SPTAN1: variants seen among roughly 807,000 people sequenced by gnomAD.
SPTAN1 encodes the protein spectrin alpha, non-erythrocytic 1, also known as spectrin alpha chain, non-erythrocytic 1.
Under a neutral mutation model 331.3 loss-of-function variants are expected in SPTAN1, and 61 were observed. That is an observed-to-expected ratio of 0.18 (90% CI 0.15 to 0.23). The LOEUF is 0.23. SPTAN1 is among the 10% of genes least tolerant of loss of function. The pLI, the probability that SPTAN1 is intolerant of heterozygous loss-of-function variation, is 1.00. For missense variants in SPTAN1, 2,043 were observed against 3,147.9 expected (o/e 0.65, Z 8.40); for synonymous variants, 1,153 against 1,173.9 (o/e 0.98, Z 0.36).
chr9:128,594,629 AC>A (rs2131366521), intron 24 of SPTAN1, among the ~76,000 whole-genome samples: 1 of 151,268 alleles, frequency 6.6e-6, no homozygotes, highest in East Asian at 1.9e-4. Context: ...ACAGGTTTTC[AC>A]CATGTTGGCC....
At chr9:128,626,321 CCCA>C in intron 48 of SPTAN1, 67 bp from the exon 49 acceptor site, 1 of 1,584,598 alleles carries the variant, frequency 6.3e-7, no homozygotes, top group Non-Finnish European at 8.6e-7. Context: ...CACCCCGCAC[CCCA>C]CCTCCTGCAC....
intron 2 of SPTAN1, 80 bp from the exon 3 acceptor site, chr9:128,568,692 G>A: frequency 6.9e-6 from 11 of 1,593,382 alleles, no homozygotes; most frequent in Middle Eastern, 4.2e-4. Flanking sequence ...TTGAGGAGGG[G>A]AGGAACACGG....
chr9:128,587,738 T>C (rs1373686616), intron 20 of SPTAN1, 40 bp downstream of exon 20: 20 of 1,572,906 alleles, frequency 1.3e-5, no homozygotes, highest in Non-Finnish European at 1.7e-5. Context: ...GAGGGAGGCC[T>C]TGAAGGACTC....
chr9:128,619,626 A>G (rs1399472998), intron 44 of SPTAN1, among the ~76,000 whole-genome samples: 1 of 152,200 alleles, frequency 6.6e-6, no homozygotes, highest in African/African-American at 2.4e-5. Context: ...TAGGGACATC[A>G]GGTCTATTGG....
intron 1 of SPTAN1, among the ~76,000 whole-genome samples, chr9:128,557,019 C>T (rs941641409): frequency 2.0e-5 from 3 of 152,092 alleles, no homozygotes; most frequent in Non-Finnish European, 4.4e-5. Context: ...TCCTAAGCCA[C>T]GGAAAAAAGA....
In SPTAN1 at chr9:128,627,517, C is replaced by T. The variant is rs1166975063; in HGVS notation, c.6689+19C>T. The T allele has an allele frequency of 1.3e-5, 20 of 1,542,836 alleles. No individual in the cohort carries two copies. Among genetic ancestry groups the T allele is most frequent in the East Asian group, 1.2e-4 (5 of 40,882 alleles). On this transcript the variant is annotated intron_variant, in intron 50 of 56. Transcript: ENST00000372739. This position sits in a 1 kb window ranked among gnomAD's most constrained non-coding sequence, Gnocchi z 4.9. The stretch of plus-strand genomic sequence containing the variant: ...AGACCAGGTGCCAGCCCGCTGGGGC[C>T]GGGGAGCAGCAGCATGTCCCTGCTG...
At position 128,607,642 on chromosome 9, in the gene SPTAN1, T is replaced by C. The variant is rs1382305872; in HGVS notation, c.4085T>C (p.Val1362Ala). 6.2e-7 allele frequency: 1 copy of C among 1,614,124 alleles called. No individual in the cohort carries two copies. The highest frequency in any genetic ancestry group is 2.2e-5 in the East Asian group (1 of 44,884). The change falls in exon 32 of 57, where the codon GTG (valine) becomes GCG (alanine). Residue 1362 changes from valine to alanine, a missense_variant. Transcript: ENST00000372739. ...TGGATCAATGGAATACGGGGGTTGG[T>C]GTCCTCAGATGAGCTAGCCAAGGAT... ...MSWINGIRGL[V>A]SSDELAKDVT...
intron 2 of SPTAN1, 111 bp from the exon 3 acceptor site, chr9:128,568,661 C>A: frequency 6.9e-7 from 1 of 1,446,070 alleles, no homozygotes; most frequent in Non-Finnish European, 9.5e-7. Flanking sequence ...AATGATGTAT[C>A]CCTAACTAGA....
At chr9:128,622,334 T>C (rs1233901856) in intron 45 of SPTAN1, among the ~76,000 whole-genome samples, 2 of 143,652 alleles carry the variant, frequency 1.4e-5, no homozygotes, top group South Asian at 2.4e-4. Flanking sequence ...AGTTTCGCTC[T>C]TGTTGCCCAG....
chr9:128,576,776 G>T, intron 5 of SPTAN1, 47 bp from the exon 6 acceptor site: 1 of 1,609,260 alleles, frequency 6.2e-7, no homozygotes, highest in Non-Finnish European at 8.5e-7. Context: ...CTAGTTGGAG[G>T]AGCCAGAAGT....
intron 23 of SPTAN1, 140 bp from the exon 24 acceptor site, chr9:128,594,035 C>A: frequency 1.3e-6 from 1 of 793,708 alleles, no homozygotes; most frequent in Non-Finnish European, 2.2e-6. Flanking sequence ...CATCTGATAA[C>A]TCTGTTACTA....
rs77358650 is a variant in SPTAN1 at position 128,580,928 on chromosome 9, G to A, written c.1330G>A (p.Val444Ile). 5,034 of 1,612,962 alleles carry A rather than the reference G, an allele frequency of 3.1e-3. 142 individuals are homozygous for A. In the East Asian group the frequency reaches 0.052, roughly 17 times the overall value. The stretch of plus-strand genomic sequence containing the variant: ...TGTCTCCTATGCCCCCAAGCTGACC[G>A]TCCTTTCCGAGGAGAGAGCGGCGCT... ...ASDEVREKLTVLSEERAALLE... is the reference protein window; with the variant it reads ...ASDEVREKLTILSEERAALLE... The change falls in exon 11 of 57, where the codon GTC (valine) becomes ATC (isoleucine). Residue 444 changes from valine (V) to isoleucine (I), a missense_variant. Coordinates refer to ENST00000372739, the MANE Select transcript of SPTAN1 (RefSeq NM_001130438.3).
intron 1 of SPTAN1, among the ~76,000 whole-genome samples, chr9:128,556,342 T>TATAA (rs888780201): frequency 6.6e-6 from 1 of 152,040 alleles, no homozygotes; most frequent in African/African-American, 2.4e-5. Context: ...AAATAAAAAA[T>TATAA]ATAAACATTG....
At chr9:128,582,414 TTC>T (rs1852054630) in intron 12 of SPTAN1, 63 bp from the exon 13 acceptor site, 2 of 1,447,116 alleles carry the variant, frequency 1.4e-6, no homozygotes, top group East Asian at 2.3e-5. Context: ...GCAGTTACTT[TTC>T]TCCAGAGGCC....
Position 128,577,034 on chromosome 9 carries a change from AGCTGTCGAG to A in SPTAN1, c.785+83_786-82del. ...GTGAAGCACAGGGCATGTGCTGGTGAGCTGTCGAGGCTGACTAGGCCTTGGTCCCATGGG... is the reference window on the plus strand; with the variant it reads ...GTGAAGCACAGGGCATGTGCTGGTGAGCTGACTAGGCCTTGGTCCCATGGG... On this transcript the variant is annotated intron_variant, in intron 6 of 56. Coordinates refer to ENST00000372739, the MANE Select transcript of SPTAN1 (RefSeq NM_001130438.3). The surrounding 1 kb of genome is among the most constrained non-coding windows in gnomAD (Gnocchi z 4.2). The A allele has an allele frequency of 6.2e-7, 1 of 1,613,876 alleles. No individual in the cohort carries two copies. Among genetic ancestry groups the A allele is most frequent in the South Asian group, 1.1e-5 (1 of 91,060 alleles).
rs1239717990 is a variant in SPTAN1 at position 128,626,657 on chromosome 9, G to C, written c.6546G>C (p.Glu2182Asp). The change falls in exon 49 of 57, where the codon GAG (glutamate) becomes GAC (aspartate). Residue 2182 changes from glutamate (E) to aspartate (D), a missense_variant. Physicochemically the swap from Glu to Asp is conservative, Grantham distance 45. Around this residue, in one of 12 missense-constraint regions of SPTAN1, gnomAD observed 256 missense variants for 376.4 expected, o/e 0.68. Transcript: ENST00000372739. Reference sequence around the variant, plus strand: ...GGTTTACCATGGAGGCCCTGGAGGAGACCTGGAGGAACCTACAGAAAATCA... The same window carrying C: ...GGTTTACCATGGAGGCCCTGGAGGACACCTGGAGGAACCTACAGAAAATCA... ...YTWFTMEALEETWRNLQKIIK... is the reference protein window; with the variant it reads ...YTWFTMEALEDTWRNLQKIIK... 1 of 1,612,724 alleles carries C rather than the reference G, an allele frequency of 6.2e-7. No individual in the cohort carries two copies.
chr9:128,633,432 G>A lies in SPTAN1; in HGVS notation c.*98G>A, dbSNP rs1379444906. 1 of 1,583,852 alleles carries A rather than the reference G, an allele frequency of 6.3e-7. No homozygotes were observed. The highest frequency in any genetic ancestry group is 1.3e-5 in the African/African-American group (1 of 74,556). The stretch of plus-strand genomic sequence containing the variant: ...CTCTCACTTTCCACTGTAACCTTAA[G>A]CCTGCTTAGCTTGGAATAAGACTTA... On this transcript the variant is annotated 3_prime_UTR_variant, in exon 57 of 57. Transcript: ENST00000372739.
rs1554744526 is a variant in SPTAN1, at chr9:128,581,485, A to AC, written c.1462-297_1462-296insC. On this transcript the variant is annotated intron_variant, in intron 11 of 56. Transcript: ENST00000372739. ...GAGATCCTGTCTCACAAAAAAAAAA[A>AC]AAACAAACAAAAAAAACAAACCTTA... Among the ~76,000 whole-genome samples, 132 of 151,472 alleles carry AC rather than the reference A, an allele frequency of 8.7e-4. 2 individuals are homozygous for AC. The highest frequency in any genetic ancestry group is 6.3e-4 in the South Asian group (3 of 4,794).
Position 128,629,047 on chromosome 9 carries a change from C to T in SPTAN1, c.6707+1105C>T, listed in dbSNP as rs1311598222. The T allele has an allele frequency of 7.5e-6, 3 of 398,114 alleles. No individual in the cohort carries two copies. The highest frequency in any genetic ancestry group is 1.3e-5 in the Non-Finnish European group (3 of 225,900). 24.7% of individuals were successfully genotyped at this position (398,114 alleles called of 1,614,324 possible). A position where few individuals can be genotyped will look rare whatever the true frequency, so the allele number is the denominator to read the frequency against. Reference sequence around the variant, plus strand: ...CTTGCCTGCGCCCTGCCAGCTTGGGCTTTGTGTGTGTCTGTTGCAGTGTGC... The same window carrying T: ...CTTGCCTGCGCCCTGCCAGCTTGGGTTTTGTGTGTGTCTGTTGCAGTGTGC... On this transcript the variant is annotated intron_variant, in intron 51 of 56. Coordinates refer to ENST00000372739, the MANE Select transcript of SPTAN1 (RefSeq NM_001130438.3). This position sits in a 1 kb window ranked among gnomAD's most constrained non-coding sequence, Gnocchi z 4.9.
Sources: allele counts gnomAD v4.1 joint callset (sites outside exome capture counted in the v4.1 genomes callset), GRCh38; gene constraint gnomAD v4.1.1; regional missense constraint gnomAD v4.1.1; non-coding constraint Gnocchi (gnomAD v3.1); transcripts MANE v1.5; gene names NCBI Gene and HGNC (gene_info 2026-07-23, HGNC 2026-07-21).